Variants in CNTNAP2 observed in about 807,000 individuals in gnomAD.
CNTNAP2 encodes contactin-associated protein-like 2.
CNTNAP2 carries 98 observed loss-of-function variants against 155.2 expected under a neutral mutation model. That is an observed-to-expected ratio of 0.63 (90% CI 0.54 to 0.75). The LOEUF is 0.75. CNTNAP2 is among the 30% of genes least tolerant of loss of function. CNTNAP2 has a pLI of 0.00. For missense variants in CNTNAP2, 1,727 were observed against 1,688.1 expected (o/e 1.02, Z -0.40); for synonymous variants, 651 against 631.2 (o/e 1.03, Z -0.47).
intron 10 of CNTNAP2, among the ~76,000 whole-genome samples, chr7:147,415,996 G>A (rs1353661334): frequency 1.3e-5 from 2 of 152,170 alleles, no homozygotes; most frequent in Non-Finnish European, 2.9e-5. Context: ...AAATATCTGA[G>A]CTGTATTGCA....
At chr7:147,794,306 C>T (rs1420901849) in intron 13 of CNTNAP2, among the ~76,000 whole-genome samples, 1 of 151,916 alleles carries the variant, frequency 6.6e-6, no homozygotes, top group Non-Finnish European at 1.5e-5. Flanking sequence ...AGGTGTCCTT[C>T]ACCAGGATGA....
At chr7:147,340,470 G>T (rs1004515228) in intron 9 of CNTNAP2, among the ~76,000 whole-genome samples, 11 of 151,860 alleles carry the variant, frequency 7.2e-5, no homozygotes, top group African/African-American at 2.7e-4. Flanking sequence ...AATCTCATTG[G>T]TTCAGCCAGT....
At chr7:147,779,832 T>C (rs1381676744) in intron 13 of CNTNAP2, among the ~76,000 whole-genome samples, 1 of 152,204 alleles carries the variant, frequency 6.6e-6, no homozygotes, top group Non-Finnish European at 1.5e-5. Context: ...TTTCCTTATA[T>C]AGGAATTTTA....
intron 1 of CNTNAP2, among the ~76,000 whole-genome samples, chr7:146,321,255 T>C (rs1018388703): frequency 6.6e-6 from 1 of 152,174 alleles, no homozygotes; most frequent in South Asian, 2.1e-4. Flanking sequence ...ATTATTTCCT[T>C]TGAGTATTTT....
chr7:148,380,634 C>CTT (rs59371773), intron 21 of CNTNAP2, among the ~76,000 whole-genome samples: 30 of 149,366 alleles, frequency 2.0e-4, no homozygotes, highest in South Asian at 1.1e-3. Flanking sequence ...TATTTGACTT[C>CTT]TTTTTTTTTT....
chr7:146,304,741 T>G (rs1157674503), intron 1 of CNTNAP2, among the ~76,000 whole-genome samples: 1 of 152,088 alleles, frequency 6.6e-6, no homozygotes, highest in Non-Finnish European at 1.5e-5. Flanking sequence ...ATCTGACAAT[T>G]ATGTGTCTTG....
chr7:146,236,387 T>G (rs1368132518), intron 1 of CNTNAP2, among the ~76,000 whole-genome samples: 5 of 104,696 alleles, frequency 4.8e-5, no homozygotes, highest in Admixed American at 1.2e-4. Context: ...TAGAAGTAAA[T>G]AAATAATTAA....
chr7:146,600,457 C>T (rs974322013), intron 1 of CNTNAP2, among the ~76,000 whole-genome samples: 15 of 151,996 alleles, frequency 9.9e-5, no homozygotes, highest in Non-Finnish European at 1.5e-4. Flanking sequence ...GCTCACAAAG[C>T]ACTACTTTCA....
At chr7:146,752,347 G>A (rs916136501) in intron 1 of CNTNAP2, among the ~76,000 whole-genome samples, 2 of 152,106 alleles carry the variant, frequency 1.3e-5, no homozygotes, top group African/African-American at 2.4e-5. Context: ...ATCTCATTGT[G>A]GTTTTGATTT....
intron 1 of CNTNAP2, among the ~76,000 whole-genome samples, chr7:146,536,588 GT>G (rs559641088): frequency 2.1e-5 from 3 of 140,830 alleles, no homozygotes; most frequent in Non-Finnish European, 3.1e-5. Flanking sequence ...CCTCCCCCAT[GT>G]TCCCCCCCCA....
At chr7:146,882,807 C>T (rs190318061) in intron 3 of CNTNAP2, among the ~76,000 whole-genome samples, 52 of 152,154 alleles carry the variant, frequency 3.4e-4, no homozygotes, top group Middle Eastern at 3.4e-3. Context: ...ATCAAGAATG[C>T]GATACCTTTT....
intron 1 of CNTNAP2, among the ~76,000 whole-genome samples, chr7:146,563,100 G>T (rs2372611): frequency 1.3e-5 from 2 of 152,246 alleles, no homozygotes; most frequent in African/African-American, 4.8e-5. Context: ...GACTCTAAAA[G>T]AAAATACGGA....
intron 1 of CNTNAP2, among the ~76,000 whole-genome samples, chr7:146,758,605 A>G (rs1246047901): frequency 6.6e-6 from 1 of 152,186 alleles, no homozygotes; most frequent in Non-Finnish European, 1.5e-5. Context: ...GGCAGGCAAG[A>G]GAAGAGAGCT....
intron 1 of CNTNAP2, among the ~76,000 whole-genome samples, chr7:146,644,084 A>T: frequency 6.6e-6 from 1 of 152,172 alleles, no homozygotes; most frequent in Non-Finnish European, 1.5e-5. Flanking sequence ...GGTTTTCTAG[A>T]TATACAATCA....
At chr7:146,283,450 C>G (rs1025138818) in intron 1 of CNTNAP2, among the ~76,000 whole-genome samples, 2 of 152,044 alleles carry the variant, frequency 1.3e-5, no homozygotes, top group Non-Finnish European at 2.9e-5. Context: ...TGAGTGTAGT[C>G]TCAACCTCCC....
chr7:146,812,866 G>C (rs1803093763), intron 2 of CNTNAP2, among the ~76,000 whole-genome samples: 1 of 152,160 alleles, frequency 6.6e-6, no homozygotes, highest in Admixed American at 6.5e-5. Context: ...TCGGGAGATG[G>C]TGCCCTATGT....
At chr7:146,246,084 T>G (rs2116934792) in intron 1 of CNTNAP2, among the ~76,000 whole-genome samples, 1 of 152,132 alleles carries the variant, frequency 6.6e-6, no homozygotes, top group South Asian at 2.1e-4. Flanking sequence ...AGCAGGCAAG[T>G]GATAGCAGGC....
intron 1 of CNTNAP2, among the ~76,000 whole-genome samples, chr7:146,258,490 T>C (rs1179217920): frequency 1.3e-5 from 2 of 152,240 alleles, no homozygotes; most frequent in Admixed American, 6.5e-5. Flanking sequence ...TGTGTTATAT[T>C]GTAAATAAAA....
intron 4 of CNTNAP2, among the ~76,000 whole-genome samples, chr7:147,087,556 C>T (rs553846588): frequency 6.6e-6 from 1 of 152,162 alleles, no homozygotes; most frequent in Non-Finnish European, 1.5e-5. Flanking sequence ...TTCTATTTCA[C>T]TTTTTAATAG....
Sources: allele counts gnomAD v4.1 joint callset (sites outside exome capture counted in the v4.1 genomes callset), GRCh38; gene constraint gnomAD v4.1.1; transcripts MANE v1.5; gene names NCBI Gene and HGNC (gene_info 2026-07-23, HGNC 2026-07-21).